The following FAN1 variants were observed in gnomAD, a reference collection of about 807,000 sequenced individuals.
The protein encoded by FAN1 is FANCD2 and FANCI associated nuclease 1, also known as fanconi-associated nuclease 1.
In FAN1, 91 loss-of-function variants were observed where a neutral mutation model predicts 104.9. The ratio of observed to expected loss-of-function variants is 0.87; its 90% CI spans 0.73 to 1.03. FAN1 has a LOEUF of 1.03. Among genes scored for constraint, FAN1 ranks in the 50% least tolerant of loss-of-function variants. FAN1 has a pLI of 0.00. For missense variants in FAN1, 1,263 were observed against 1,239.9 expected (o/e 1.02, Z -0.28); for synonymous variants, 478 against 457.6 (o/e 1.04, Z -0.57).
Position 30,904,542 on chromosome 15 carries a change from A to G in FAN1, c.-122A>G. The G allele has an allele frequency of 1.1e-6, 1 of 882,904 alleles. No individual in the cohort carries two copies. The highest frequency in any genetic ancestry group is 1.3e-5 in the South Asian group (1 of 74,578). 54.7% of individuals were successfully genotyped at this position (882,904 alleles called of 1,614,324 possible). A position where few individuals can be genotyped will look rare whatever the true frequency, so the allele number is the denominator to read the frequency against. On this transcript the variant is annotated 5_prime_UTR_variant, in exon 2 of 15. Transcript: ENST00000362065. The stretch of plus-strand genomic sequence containing the variant: ...AGAAATTGTCGAGACGAATAACATG[A>G]GGTCATATAGAATCCCACTTTTGGT...
At chr15:30,913,646 G>A (rs2062142680) in intron 4 of FAN1, among the ~76,000 whole-genome samples, 1 of 152,222 alleles carries the variant, frequency 6.6e-6, no homozygotes, top group Non-Finnish European at 1.5e-5. Context: ...CTTGTATGGA[G>A]CCAAACCATG....
chr15:30,905,471 A>C lies in FAN1; in HGVS notation c.808A>C (p.Thr270Pro). 1 of 1,613,990 alleles carries C rather than the reference A, an allele frequency of 6.2e-7. No individual in the cohort carries two copies. Residue 270 changes from threonine to proline, a missense_variant, in exon 2 of 15, where the codon ACT becomes CCT. This residue lies in a region of FAN1 where 682 missense variants were observed against 571.1 expected (regional missense o/e 1.19). Coordinates refer to ENST00000362065, the MANE Select transcript of FAN1 (RefSeq NM_014967.5). The part of the protein sequence containing the change: ...NAIMLFSPDF[T>P]LRNTLKSTSE... ...GATCATGTTATTCTCACCAGATTTC[A>C]CTCTTAGGAATACATTAAAGTCTAC...
At chr15:30,918,100 A>G (rs1462742401) in intron 5 of FAN1, 64 bp from the exon 6 acceptor site, 1 of 1,544,212 alleles carries the variant, frequency 6.5e-7, no homozygotes, top group Admixed American at 1.7e-5. Context: ...TCTAGTGGCT[A>G]GGATGTGGTC....
At chr15:30,929,802 A>G (rs1392047649) in intron 12 of FAN1, among the ~76,000 whole-genome samples, 1 of 72,898 alleles carries the variant, frequency 1.4e-5, no homozygotes, top group South Asian at 3.8e-4. Flanking sequence ...AATATAATAT[A>G]TAAAATATAT....
rs371752995 is a variant in FAN1, at chr15:30,942,874, G to C, written c.*1312G>C. ...TACGTGTGAGCCAACATCACGTTTT[G>C]TTAGCTGTGATTTACCTTTGTCCGT... On this transcript the variant is annotated 3_prime_UTR_variant, in exon 15 of 15. Coordinates refer to ENST00000362065, the MANE Select transcript of FAN1 (RefSeq NM_014967.5). The C allele has an allele frequency of 5.8e-6, 9 of 1,550,398 alleles. No homozygotes were observed. The highest frequency in any genetic ancestry group is 7.9e-6 in the Non-Finnish European group (9 of 1,145,622).
intron 13 of FAN1, among the ~76,000 whole-genome samples, chr15:30,932,879 A>AT (rs774762002): frequency 0.033 from 4,530 of 139,280 alleles, 220 homozygotes; most frequent in African/African-American, 0.11. Flanking sequence ...TGCCTGGATA[A>AT]TTTTTTTTTT....
rs2062683865 is a variant in FAN1, at chr15:30,930,586, G to A, written c.2831G>A (p.Cys944Tyr). The change falls in exon 13 of 15, where the codon TGC (cysteine) becomes TAC (tyrosine). Residue 944 changes from cysteine (C) to tyrosine (Y), a missense_variant. Around this residue, in one of 2 missense-constraint regions of FAN1, gnomAD observed 581 missense variants for 668.8 expected, o/e 0.87. Transcript: ENST00000362065. ...CLGGPVLSGV[C>Y]RHLAADFRHC... ...GGGGGCCCTGTGCTCAGTGGTGTGTGCAGGCACCTGGCTGCTGACTTTCGA... is the reference window on the plus strand; with the variant it reads ...GGGGGCCCTGTGCTCAGTGGTGTGTACAGGCACCTGGCTGCTGACTTTCGA... 6.2e-7 allele frequency: 1 copy of A among 1,612,952 alleles called. No individual in the cohort carries two copies. Among genetic ancestry groups the A allele is most frequent in the African/African-American group, 1.3e-5 (1 of 74,880 alleles).
intron 3 of FAN1, among the ~76,000 whole-genome samples, chr15:30,908,911 CCTCTT>C (rs1292602467): frequency 6.6e-6 from 1 of 152,186 alleles, no homozygotes; most frequent in Non-Finnish European, 1.5e-5. Flanking sequence ...TACTCAGAGT[CCTCTT>C]CTTTATGATA....
chr15:30,910,821 G>A lies in FAN1; in HGVS notation c.1577+6G>A. The A allele has an allele frequency of 5.0e-6, 8 of 1,612,352 alleles. No individual in the cohort carries two copies. Among genetic ancestry groups the A allele is most frequent in the Non-Finnish European group, 5.1e-6 (6 of 1,179,004 alleles). On this transcript the variant is annotated splice_donor_region_variant and intron_variant, in intron 4 of 14. Coordinates refer to ENST00000362065, the MANE Select transcript of FAN1 (RefSeq NM_014967.5). ...GGTGCAGTGATTTTAAAAAGGTTTT[G>A]TTGGCTATTGTTACAGTAAAAACAT...
chr15:30,909,636 C>T (rs151268531), intron 3 of FAN1, among the ~76,000 whole-genome samples: 1,568 of 152,320 alleles, frequency 0.01, 8 homozygotes, highest in Middle Eastern at 0.017. Flanking sequence ...CATCCATGCT[C>T]CAGCCCCATG....
chr15:30,918,310 A>T lies in FAN1; in HGVS notation c.1943+15A>T. 1.9e-6 allele frequency: 3 copies of T among 1,613,428 alleles called. No homozygotes were observed. The highest frequency in any genetic ancestry group is 2.5e-6 in the Non-Finnish European group (3 of 1,179,660). ...CCTTCTCTGAGGTGAGAGTTTTTCTAGGTACCTGCCAAAATTTATACATTG... is the reference window on the plus strand; with the variant it reads ...CCTTCTCTGAGGTGAGAGTTTTTCTTGGTACCTGCCAAAATTTATACATTG... On this transcript the variant is annotated intron_variant, in intron 6 of 14. Coordinates refer to ENST00000362065, the MANE Select transcript of FAN1 (RefSeq NM_014967.5).
At chr15:30,931,689 C>A (rs966979946) in intron 13 of FAN1, among the ~76,000 whole-genome samples, 32 of 152,176 alleles carry the variant, frequency 2.1e-4, no homozygotes, top group African/African-American at 7.7e-4. Flanking sequence ...ATGCTTCCTC[C>A]ACTGAATTCC....
chr15:30,936,341 C>T (rs1037923136), intron 13 of FAN1, among the ~76,000 whole-genome samples: 4 of 152,004 alleles, frequency 2.6e-5, no homozygotes, highest in Non-Finnish European at 5.9e-5. Context: ...TCCCAGGCAG[C>T]GGGAACAGCA....
intron 5 of FAN1, among the ~76,000 whole-genome samples, chr15:30,914,920 A>G (rs1403784716): frequency 1.3e-5 from 2 of 152,248 alleles, no homozygotes; most frequent in African/African-American, 4.8e-5. Context: ...AACTAAAAGT[A>G]GAACTACCAT....
chr15:30,926,697 G>C, intron 10 of FAN1: 1 of 985,418 alleles, frequency 1.0e-6, no homozygotes, highest in Admixed American at 6.1e-5. Flanking sequence ...TAGAAGAATA[G>C]AATGCACATT....
intron 14 of FAN1, among the ~76,000 whole-genome samples, chr15:30,937,893 AAGT>A (rs1314878520): frequency 6.6e-6 from 1 of 152,026 alleles, no homozygotes. Flanking sequence ...TTTTATAAAA[AAGT>A]AGTGGCTGGG....
intron 14 of FAN1, 193 bp from the exon 15 acceptor site, chr15:30,941,373 A>G (rs1225753377): frequency 1.9e-5 from 29 of 1,537,956 alleles, no homozygotes; most frequent in Non-Finnish European, 2.5e-5. Flanking sequence ...ATTCTTACAT[A>G]TAAAGTTATT....
intron 14 of FAN1, chr15:30,939,309 C>T (rs567101020): frequency 3.0e-6 from 3 of 985,460 alleles, no homozygotes; most frequent in African/African-American, 1.7e-5. Context: ...AGCATCTGTG[C>T]GGCATTCCCT....
intron 14 of FAN1, 174 bp from the exon 15 acceptor site, chr15:30,941,392 A>G: frequency 6.5e-7 from 1 of 1,545,590 alleles, no homozygotes; most frequent in South Asian, 1.3e-5. Context: ...TTAGAGATTC[A>G]AACGCCTAGG....
Sources: gnomAD v4.1 joint callset for allele counts (sites outside exome capture counted in the v4.1 genomes callset) on GRCh38, gnomAD v4.1.1 for gene constraint, gnomAD v4.1.1 regional missense constraint, MANE v1.5 for transcripts, NCBI Gene and HGNC (gene_info 2026-07-23, HGNC 2026-07-21) for gene names.